GLS: variants seen among roughly 807,000 people sequenced by gnomAD.
GLS encodes glutaminase, also known as glutaminase kidney isoform, mitochondrial.
In GLS, 36 loss-of-function variants were observed where a neutral mutation model predicts 86.7. That is an observed-to-expected ratio of 0.42 (90% CI 0.32 to 0.55). The LOEUF (loss-of-function observed/expected upper bound fraction) is 0.55. Among genes scored for constraint, GLS ranks in the 20% least tolerant of loss-of-function variants. GLS has a pLI of 0.17. For missense variants in GLS, 528 were observed against 833.4 expected (o/e 0.63, Z 4.51); for synonymous variants, 317 against 305.9 (o/e 1.04, Z -0.38).
intron 14 of GLS, among the ~76,000 whole-genome samples, chr2:190,932,383 A>G (rs1205148437): frequency 1.3e-5 from 2 of 151,932 alleles, no homozygotes; most frequent in Non-Finnish European, 2.9e-5. Flanking sequence ...AAATGTTTGT[A>G]GTAAAATTAC....
At chr2:190,915,494 T>C (rs1255409305) in intron 7 of GLS, among the ~76,000 whole-genome samples, 1 of 152,214 alleles carries the variant, frequency 6.6e-6, no homozygotes, top group Non-Finnish European at 1.5e-5. Context: ...AATAATACAG[T>C]ATCTAATAAT....
chr2:190,944,196 AT>A (rs5837212), intron 14 of GLS, among the ~76,000 whole-genome samples: 51 of 147,234 alleles, frequency 3.5e-4, no homozygotes, highest in African/African-American at 5.8e-4. Context: ...AATGGCCTGG[AT>A]TTTTTTTTTT....
rs966248416 is a variant in GLS at position 190,880,847 on chromosome 2, A to G, written c.-238A>G. The stretch of plus-strand genomic sequence containing the variant: ...GTGCGGAGCCTTAGGCGGAGCGAAG[A>G]GAACCGGTCGCGGCAATCCTAGCGC... On this transcript the variant is annotated 5_prime_UTR_variant, in exon 1 of 18. Transcript: ENST00000320717. 2.5e-5 allele frequency: 20 copies of G among 799,818 alleles called. 1 individual carries two copies. The highest frequency in any genetic ancestry group is 2.1e-5 in the Admixed American group (1 of 47,620). 49.5% of individuals were successfully genotyped at this position (799,818 alleles called of 1,614,324 possible). A position where few individuals can be genotyped will look rare whatever the true frequency, so the allele number is the denominator to read the frequency against.
chr2:190,908,098 G>A (rs143412963), intron 6 of GLS, among the ~76,000 whole-genome samples: 27 of 152,178 alleles, frequency 1.8e-4, no homozygotes, highest in Non-Finnish European at 2.6e-4. Context: ...CACATTCTTC[G>A]TAACCATATA....
chr2:190,898,379 T>C (rs976014659), intron 3 of GLS, among the ~76,000 whole-genome samples: 4 of 152,318 alleles, frequency 2.6e-5, no homozygotes, highest in South Asian at 4.1e-4. Flanking sequence ...CATAAGCACC[T>C]CCTCAGAGTT....
chr2:190,944,455 A>G (rs967735070), intron 14 of GLS, among the ~76,000 whole-genome samples: 3 of 152,170 alleles, frequency 2.0e-5, no homozygotes, highest in Non-Finnish European at 4.4e-5. Flanking sequence ...AGAAACTTTG[A>G]TAGTTGTCTG....
At chr2:190,911,784 C>T (rs1432131350) in intron 7 of GLS, among the ~76,000 whole-genome samples, 1 of 152,016 alleles carries the variant, frequency 6.6e-6, no homozygotes, top group Non-Finnish European at 1.5e-5. Flanking sequence ...AGAAAAATAT[C>T]CACATACCAT....
chr2:190,895,750 A>G lies in GLS; in HGVS notation c.605+25A>G, dbSNP rs1688710383. On this transcript the variant is annotated intron_variant, in intron 3 of 17. Transcript: ENST00000320717. This position sits in a 1 kb window ranked among gnomAD's most constrained non-coding sequence, Gnocchi z 4.2. ...AGTAAAAGTTTCTGCCAAACCTTTA[A>G]TGGTGATTTGCTATGCTATACGGTG... 7 of 1,568,714 alleles carry G rather than the reference A, an allele frequency of 4.5e-6. No homozygotes were observed. Among genetic ancestry groups the G allele is most frequent in the Non-Finnish European group, 6.1e-6 (7 of 1,150,170 alleles).
rs1250251776 is a variant in GLS at position 190,900,617 on chromosome 2, T to C, written c.659T>C (p.Val220Ala). 1 of 1,604,102 alleles carries C rather than the reference T, an allele frequency of 6.2e-7. No individual in the cohort carries two copies. Among genetic ancestry groups the C allele is most frequent in the Non-Finnish European group, 8.5e-7 (1 of 1,171,442 alleles). Residue 220 changes from valine to alanine, a missense_variant, in exon 4 of 18, where the codon GTG becomes GCG. By Grantham distance (64) the Val-to-Ala change is moderately conservative. Coordinates refer to ENST00000320717, the MANE Select transcript of GLS (RefSeq NM_014905.5). ...ACACAAGCATTTAGAAGAAAGTTTG[T>C]GATTCCTGACTTTATGTCTTTTACC... The part of the protein sequence containing the change: ...LLTQAFRRKF[V>A]IPDFMSFTSH...
At chr2:190,894,194 C>T (rs1345110717) in intron 1 of GLS, among the ~76,000 whole-genome samples, 1 of 152,084 alleles carries the variant, frequency 6.6e-6, no homozygotes, top group Non-Finnish European at 1.5e-5. Flanking sequence ...CCAGGTCCCC[C>T]ACAGCTCAAG....
At chr2:190,946,380 T>C (rs767925444) in intron 14 of GLS, among the ~76,000 whole-genome samples, 17 of 152,150 alleles carry the variant, frequency 1.1e-4, no homozygotes, top group Non-Finnish European at 2.4e-4. Context: ...GTCATGATGG[T>C]TTATTTAACA....
Position 190,963,107 on chromosome 2 carries a change from T to TG in GLS, c.*123dup. ...TTTACATTTGTCATTTCAGTGTTAC[T>TG]GGAGTTTTCTTCATTGTGCACACAG... is the stretch of plus-strand genomic sequence containing the variant. On this transcript the variant is annotated 3_prime_UTR_variant, in exon 18 of 18. Transcript: ENST00000320717. The TG allele has an allele frequency of 1.4e-6, 1 of 713,310 alleles. No individual in the cohort carries two copies. Among genetic ancestry groups the TG allele is most frequent in the South Asian group, 2.1e-5 (1 of 46,900 alleles). The allele number at this position is 713,310 out of a possible 1,614,324, so 44.2% of individuals were successfully genotyped here.
chr2:190,950,846 G>C (rs1162446580), intron 14 of GLS, among the ~76,000 whole-genome samples: 1 of 152,208 alleles, frequency 6.6e-6, no homozygotes, highest in African/African-American at 2.4e-5. Flanking sequence ...GACTGTGAGT[G>C]GCAGAAGACA....
intron 14 of GLS, among the ~76,000 whole-genome samples, chr2:190,932,071 A>T (rs1384934512): frequency 6.6e-6 from 1 of 151,324 alleles, no homozygotes; most frequent in Non-Finnish European, 1.5e-5. Context: ...GTGTAGATGG[A>T]TATGTAAATG....
chr2:190,917,450 T>G (rs918507117), intron 7 of GLS, among the ~76,000 whole-genome samples: 1 of 152,226 alleles, frequency 6.6e-6, no homozygotes, highest in Non-Finnish European at 1.5e-5. Flanking sequence ...CCATGAGGAT[T>G]GGAATCAACT....
chr2:190,964,626 C>T lies in GLS; in HGVS notation c.*1640C>T, dbSNP rs931386028. ...CCAATGTTCCTTAGCTGCACCAGGC[C>T]CGAAGCTGTTCCCATGCTTGAGCTT... On this transcript the variant is annotated 3_prime_UTR_variant, in exon 18 of 18. Transcript: ENST00000320717. The surrounding 1 kb of genome is among the most constrained non-coding windows in gnomAD (Gnocchi z 5.2). 2.0e-5 allele frequency: 3 copies of T among 152,170 alleles called. No homozygotes were observed. The highest frequency in any genetic ancestry group is 2.1e-4 in the South Asian group (1 of 4,820). 9.4% of individuals were successfully genotyped at this position (152,170 alleles called of 1,614,324 possible).
At chr2:190,926,461 AT>A (rs1202498578) in intron 11 of GLS, among the ~76,000 whole-genome samples, 1 of 151,920 alleles carries the variant, frequency 6.6e-6, no homozygotes, top group East Asian at 1.9e-4. Context: ...ATCTTGGAGT[AT>A]GGCTGAGGAA....
At chr2:190,890,938 A>G (rs1311546167) in intron 1 of GLS, among the ~76,000 whole-genome samples, 4 of 152,024 alleles carry the variant, frequency 2.6e-5, no homozygotes, top group African/African-American at 9.7e-5. Context: ...TAGTTTGGGG[A>G]GGTTAGGTAA....
At chr2:190,887,576 TGAG>T (rs1186312689) in intron 1 of GLS, among the ~76,000 whole-genome samples, 3 of 152,134 alleles carry the variant, frequency 2.0e-5, no homozygotes, top group Non-Finnish European at 4.4e-5. Context: ...GTCTTCTTGA[TGAG>T]GATATTTTGA....
Sources: allele counts gnomAD v4.1 joint callset (sites outside exome capture counted in the v4.1 genomes callset), GRCh38; gene constraint gnomAD v4.1.1; non-coding constraint Gnocchi (gnomAD v3.1); transcripts MANE v1.5; gene names NCBI Gene and HGNC (gene_info 2026-07-23, HGNC 2026-07-21).